ATP1B3: variants seen among roughly 807,000 people sequenced by gnomAD.
ATP1B3 encodes sodium/potassium-transporting ATPase subunit beta-3.
A neutral mutation model predicts 30.2 loss-of-function variants in ATP1B3; 10 were observed. The ratio of observed to expected loss-of-function variants is 0.33; its 90% CI spans 0.20 to 0.56. The LOEUF is 0.56. Ranked by LOEUF, ATP1B3 falls within the 20% of genes least tolerant of loss-of-function variation. The pLI, the probability that ATP1B3 is intolerant of heterozygous loss-of-function variation, is 0.90. For missense variants in ATP1B3, 238 were observed against 336.7 expected (o/e 0.71, Z 2.29); for synonymous variants, 113 against 117.0 (o/e 0.97, Z 0.22).
Position 141,879,624 on chromosome 3 carries a change from A to T in ATP1B3, c.109+2714A>T, listed in dbSNP as rs190167618. Among the ~76,000 whole-genome samples, 264 of 151,710 alleles carry T rather than the reference A, an allele frequency of 1.7e-3. 2 individuals are homozygous for T. Among genetic ancestry groups the T allele is most frequent in the African/African-American group, 5.8e-3 (239 of 41,404 alleles). ...CTGTCTCTACTAAAAATGAAAAAAA[A>T]AAAAATTAGCCGGGTGTGGTGGCAC... On this transcript the variant is annotated intron_variant, in intron 1 of 6. Transcript: ENST00000286371.
At chr3:141,878,280 ATCAC>A (rs1309455015) in intron 1 of ATP1B3, among the ~76,000 whole-genome samples, 1 of 152,232 alleles carries the variant, frequency 6.6e-6, no homozygotes, top group African/African-American at 2.4e-5. Context: ...CTGCATGGTA[ATCAC>A]TCATGATTTT....
chr3:141,925,298 C>CA (rs777392737), intron 6 of ATP1B3, among the ~76,000 whole-genome samples: 1 of 151,874 alleles, frequency 6.6e-6, no homozygotes, highest in Non-Finnish European at 1.5e-5. Flanking sequence ...CCTGTCTCTA[C>CA]AAAAAAATTT....
In ATP1B3 at chr3:141,894,987, C is replaced by G. The variant is rs144668283; in HGVS notation, c.110-8633C>G. 1.2e-3 allele frequency among the ~76,000 whole-genome samples: 176 copies of G among 152,014 alleles called. 3 individuals are homozygous for G. The highest frequency in any genetic ancestry group is 4.2e-3 in the African/African-American group (174 of 41,446). ...GACACGTGAGTAATGCATTGTGTTG[C>G]GACATCACTAGGCCATAGGAATTTT... is the stretch of plus-strand genomic sequence containing the variant. On this transcript the variant is annotated intron_variant, in intron 1 of 6. Coordinates refer to ENST00000286371, the MANE Select transcript of ATP1B3 (RefSeq NM_001679.4).
intron 2 of ATP1B3, 76 bp from the exon 3 acceptor site, chr3:141,907,091 A>T: frequency 9.0e-7 from 1 of 1,110,324 alleles, no homozygotes. Context: ...ATTTGCTGAG[A>T]TCTGCTTTTT....
chr3:141,911,132 AT>A (rs1245042848), intron 3 of ATP1B3, among the ~76,000 whole-genome samples: 1 of 151,986 alleles, frequency 6.6e-6, no homozygotes, highest in East Asian at 1.9e-4. Context: ...GTTCAGGGGA[AT>A]TATCCTCTGT....
chr3:141,897,936 C>G (rs1200992802), intron 1 of ATP1B3, among the ~76,000 whole-genome samples: 2 of 152,200 alleles, frequency 1.3e-5, no homozygotes, highest in Non-Finnish European at 2.9e-5. Flanking sequence ...TCTCGAACTC[C>G]TGACCTCAGG....
rs536519929 is a variant in ATP1B3 at position 141,895,123 on chromosome 3, G to T, written c.110-8497G>T. On this transcript the variant is annotated intron_variant, in intron 1 of 6. Coordinates refer to ENST00000286371, the MANE Select transcript of ATP1B3 (RefSeq NM_001679.4). ...TGGAATCATGCTTTATGTTTTTTTT[G>T]GGGGGAGGGTCTCATAGGAGATGAC... Among the ~76,000 whole-genome samples the T allele has an allele frequency of 6.6e-5, 10 of 151,570 alleles. No homozygotes were observed. In the East Asian group the frequency reaches 1.2e-3, roughly 18 times the overall value.
At chr3:141,916,467 C>G in intron 5 of ATP1B3, 1 of 885,264 alleles carries the variant, frequency 1.1e-6, no homozygotes, top group South Asian at 1.4e-5. Flanking sequence ...TCTCCCCTAT[C>G]CCTACTTACT....
intron 2 of ATP1B3, among the ~76,000 whole-genome samples, chr3:141,904,693 T>C (rs935251538): frequency 3.4e-5 from 5 of 148,678 alleles, no homozygotes; most frequent in Admixed American, 1.4e-4. Flanking sequence ...TTTTATTCTT[T>C]TTAAACAGTC....
At chr3:141,917,355 A>G (rs1334066727) in intron 5 of ATP1B3, among the ~76,000 whole-genome samples, 1 of 152,038 alleles carries the variant, frequency 6.6e-6, no homozygotes, top group Non-Finnish European at 1.5e-5. Context: ...CTGGCAATTC[A>G]CTTTACCTCC....
chr3:141,904,651 G>T (rs1043561173), intron 2 of ATP1B3, among the ~76,000 whole-genome samples: 2 of 148,208 alleles, frequency 1.3e-5, no homozygotes, highest in African/African-American at 5.0e-5. Context: ...GTAAAAAACT[G>T]AAACATCTAA....
intron 1 of ATP1B3, among the ~76,000 whole-genome samples, chr3:141,881,495 G>A (rs1933725427): frequency 6.6e-6 from 1 of 152,140 alleles, no homozygotes; most frequent in Non-Finnish European, 1.5e-5. Flanking sequence ...TAATTGTTCT[G>A]CTTTGGAGAT....
chr3:141,899,909 T>C (rs1329038190), intron 1 of ATP1B3, among the ~76,000 whole-genome samples: 2 of 152,010 alleles, frequency 1.3e-5, no homozygotes, highest in Non-Finnish European at 2.9e-5. Flanking sequence ...CACACAACTG[T>C]AGTCCCAACT....
intron 5 of ATP1B3, chr3:141,919,018 G>A (rs774511228): frequency 6.6e-6 from 1 of 152,224 alleles, no homozygotes; most frequent in Non-Finnish European, 1.5e-5. Context: ...CCCTAGGCTA[G>A]TCACAAGTAG....
At chr3:141,917,231 A>G (rs1934481318) in intron 5 of ATP1B3, among the ~76,000 whole-genome samples, 1 of 152,038 alleles carries the variant, frequency 6.6e-6, no homozygotes, top group African/African-American at 2.4e-5. Flanking sequence ...AGAACTCCCG[A>G]TTTGGAGTGT....
At chr3:141,923,552 T>G (rs1373413352) in intron 6 of ATP1B3, among the ~76,000 whole-genome samples, 1 of 152,176 alleles carries the variant, frequency 6.6e-6, no homozygotes, top group Non-Finnish European at 1.5e-5. Flanking sequence ...TCAAGTATTG[T>G]GTTATAAGCA....
At chr3:141,879,811 CTTTTTTTTTTTTT>C (rs150389395) in intron 1 of ATP1B3, among the ~76,000 whole-genome samples, 1 of 57,942 alleles carries the variant, frequency 1.7e-5, no homozygotes, top group Non-Finnish European at 3.0e-5. Flanking sequence ...TTGGTAACAG[CTTTTTTTTTTTTT>C]TTTTTTTTTT....
intron 5 of ATP1B3, among the ~76,000 whole-genome samples, chr3:141,921,323 G>T (rs1934560083): frequency 6.6e-6 from 1 of 152,120 alleles, no homozygotes; most frequent in African/African-American, 2.4e-5. Context: ...TGCTTGATTT[G>T]TATGTTGATA....
chr3:141,877,006 G>A, intron 1 of ATP1B3, 96 bp downstream of exon 1: 1 of 972,214 alleles, frequency 1.0e-6, no homozygotes, highest in African/African-American at 1.8e-5. Flanking sequence ...GCGGCTCCCA[G>A]CGCCGGGGCT....
Sources: allele counts gnomAD v4.1 joint callset (sites outside exome capture counted in the v4.1 genomes callset), GRCh38; gene constraint gnomAD v4.1.1; transcripts MANE v1.5; gene names NCBI Gene and HGNC (gene_info 2026-07-23, HGNC 2026-07-21).